The following IFT140 variants were observed in gnomAD, a reference collection of about 807,000 sequenced individuals.
IFT140 encodes the protein intraflagellar transport 140.
A neutral mutation model predicts 164.6 loss-of-function variants in IFT140; 133 were observed. That is an observed-to-expected ratio of 0.81 (90% CI 0.70 to 0.93). The LOEUF (loss-of-function observed/expected upper bound fraction) is 0.93. IFT140 is among the 40% of genes least tolerant of loss of function. IFT140 has a pLI of 0.00. For synonymous variants in IFT140, 860 were observed against 817.3 expected (o/e 1.05, Z -0.89); for missense variants, 2,045 against 1,972.3 (o/e 1.04, Z -0.70).
In IFT140 at chr16:1,605,031, C is replaced by T. The variant is rs137866640; in HGVS notation, c.147+2089G>A. The stretch of plus-strand genomic sequence containing the variant: ...TCAGGAAGGCAGCTGGGTCCCTAAG[C>T]TTACAGCTCAGAGGGAACTTCTAGG... On this transcript the variant is annotated intron_variant, in intron 3 of 30. Transcript: ENST00000426508. Among the ~76,000 whole-genome samples, 771 of 152,208 alleles carry T rather than the reference C, an allele frequency of 5.1e-3. 6 individuals are homozygous for T. Among genetic ancestry groups the T allele is most frequent in the African/African-American group, 0.018 (744 of 41,516 alleles).
intron 21 of IFT140, 101 bp downstream of exon 21, chr16:1,525,786 C>T (rs1282702006): frequency 8.1e-7 from 1 of 1,242,046 alleles, no homozygotes; most frequent in African/African-American, 1.5e-5. Flanking sequence ...GACGCCTCCT[C>T]TAAGAACCTC....
In IFT140 at chr16:1,589,641, C is replaced by T. The variant is rs746955795; in HGVS notation, c.774G>A (p.Thr258=). The T allele has an allele frequency of 1.9e-6, 3 of 1,614,124 alleles. No individual in the cohort carries two copies. Among genetic ancestry groups the T allele is most frequent in the East Asian group, 2.2e-5 (1 of 44,882 alleles). The change falls in exon 7 of 31, where the codon ACG becomes ACA. Residue 258 remains threonine (T), a synonymous_variant. Coordinates refer to ENST00000426508, the MANE Select transcript of IFT140 (RefSeq NM_014714.4). ...CTTCTGCTTTGCCCTCAGGAGGCACCGTGTACAGGGACAGCCGGAGGTTCT... is the reference window on the plus strand; with the variant it reads ...CTTCTGCTTTGCCCTCAGGAGGCACTGTGTACAGGGACAGCCGGAGGTTCT... ...VTENLRLSLY[T]VPPEGKAEEV...
intron 3 of IFT140, 58 bp downstream of exon 3, chr16:1,607,062 C>A: frequency 6.4e-7 from 1 of 1,573,112 alleles, no homozygotes; most frequent in African/African-American, 1.3e-5. Flanking sequence ...ACAACAGCAA[C>A]ACAAACAACA....
chr16:1,602,185 C>G, intron 4 of IFT140, 185 bp downstream of exon 4: 1 of 612,270 alleles, frequency 1.6e-6, no homozygotes, highest in Non-Finnish European at 2.9e-6. Context: ...TGCAGACACA[C>G]CTTTGCCACA....
rs1313487066 is a variant in IFT140, at chr16:1,524,026, T to C, written c.3142-70A>G. 3 of 1,564,416 alleles carry C rather than the reference T, an allele frequency of 1.9e-6. No homozygotes were observed. The African/African-American group carries it at 4.0e-5, about 21-fold the overall frequency. On this transcript the variant is annotated intron_variant, in intron 24 of 30. Transcript: ENST00000426508. ...CCCCAGGTCCGCTGAGATTCTGGAATGTGGCCGGGTGCGAACCCGCCCCTT... is the reference window on the plus strand; with the variant it reads ...CCCCAGGTCCGCTGAGATTCTGGAACGTGGCCGGGTGCGAACCCGCCCCTT...
chr16:1,605,291 CA>C (rs2036001111), intron 3 of IFT140, among the ~76,000 whole-genome samples: 1 of 152,124 alleles, frequency 6.6e-6, no homozygotes, highest in Admixed American at 6.5e-5. Flanking sequence ...CCAAAACACT[CA>C]GGGGGTGACA....
intron 4 of IFT140, 40 bp from the exon 5 acceptor site, chr16:1,592,628 GGC>G: frequency 3.2e-6 from 5 of 1,584,896 alleles, no homozygotes; most frequent in South Asian, 2.3e-5. Flanking sequence ...CAGGTGTCCC[GGC>G]AGAGCGACTG....
rs1013287533 is a variant in IFT140 at position 1,569,062 on chromosome 16, T to A, written c.1653-728A>T. 2.7e-5 allele frequency among the ~76,000 whole-genome samples: 4 copies of A among 150,128 alleles called. No individual in the cohort carries two copies. In the South Asian group the frequency reaches 6.4e-4, roughly 24 times the overall value. On this transcript the variant is annotated intron_variant, in intron 14 of 30. Coordinates refer to ENST00000426508, the MANE Select transcript of IFT140 (RefSeq NM_014714.4). ...CCCTGTTGCCCAGGCTGGAGTGCAG[T>A]GGCGCCATCTCGGCTCACTGCAAGC...
At chr16:1,589,827 T>C in intron 6 of IFT140, 47 bp from the exon 7 acceptor site, 1 of 1,526,828 alleles carries the variant, frequency 6.5e-7, no homozygotes, top group Non-Finnish European at 9.0e-7. Context: ...CTGGTTTATC[T>C]GCTTCCATGA....
At chr16:1,608,626 C>T (rs1039595962) in intron 2 of IFT140, among the ~76,000 whole-genome samples, 7 of 123,490 alleles carry the variant, frequency 5.7e-5, no homozygotes, top group African/African-American at 1.3e-4. Context: ...AATAGGACTC[C>T]GCCTCAAAAA....
chr16:1,590,470 G>A (rs138188086), intron 6 of IFT140, among the ~76,000 whole-genome samples: 3 of 152,256 alleles, frequency 2.0e-5, no homozygotes, highest in African/African-American at 4.8e-5. Flanking sequence ...TGCCCTGGGT[G>A]TCGCTGCTGT....
intron 24 of IFT140, 97 bp downstream of exon 24, chr16:1,524,455 G>C (rs1184119269): frequency 2.0e-6 from 3 of 1,496,298 alleles, no homozygotes; most frequent in East Asian, 4.6e-5. Flanking sequence ...GCCGGACCAC[G>C]TGTCACTGAC....
At chr16:1,585,927 C>A (rs767045705) in intron 10 of IFT140, among the ~76,000 whole-genome samples, 1 of 152,200 alleles carries the variant, frequency 6.6e-6, no homozygotes, top group South Asian at 2.1e-4. Flanking sequence ...CCCGCCACCA[C>A]GCCCGGCTAA....
chr16:1,572,160 T>A (rs1180221427), intron 13 of IFT140, among the ~76,000 whole-genome samples: 1 of 152,086 alleles, frequency 6.6e-6, no homozygotes, highest in Non-Finnish European at 1.5e-5. Flanking sequence ...GTTTAAGAAG[T>A]CAGCCAGGTG....
chr16:1,586,080 A>G (rs1194999225), intron 10 of IFT140, 50 bp downstream of exon 10: 2 of 1,602,494 alleles, frequency 1.2e-6, no homozygotes, highest in Non-Finnish European at 1.7e-6. Flanking sequence ...CATGGTCTCC[A>G]CTTTCATGCA....
chr16:1,593,648 G>T (rs2035305093), intron 4 of IFT140, among the ~76,000 whole-genome samples: 2 of 152,116 alleles, frequency 1.3e-5, no homozygotes, highest in Non-Finnish European at 2.9e-5. Context: ...TATATCATGG[G>T]ATGCCCCTCC....
chr16:1,530,435 A>C (rs1385062728), intron 19 of IFT140, among the ~76,000 whole-genome samples: 2 of 152,008 alleles, frequency 1.3e-5, no homozygotes, highest in African/African-American at 4.8e-5. Flanking sequence ...CCGGCCCACA[A>C]CTGGAATCTT....
At chr16:1,523,459 A>G in intron 26 of IFT140, 59 bp downstream of exon 26, 3 of 1,547,302 alleles carry the variant, frequency 1.9e-6, no homozygotes, top group Non-Finnish European at 2.6e-6. Context: ...CTCTGGGGAC[A>G]GGAGACCTGA....
At chr16:1,587,141 G>T in intron 9 of IFT140, 57 bp downstream of exon 9, 1 of 1,073,844 alleles carries the variant, frequency 9.3e-7, no homozygotes. Context: ...TTTTGCAGCC[G>T]GCGCACAATG....
Sources: gnomAD v4.1 joint callset for allele counts (sites outside exome capture counted in the v4.1 genomes callset) on GRCh38, gnomAD v4.1.1 for gene constraint, MANE v1.5 for transcripts, NCBI Gene and HGNC (gene_info 2026-07-23, HGNC 2026-07-21) for gene names.